The following SAMMSON variants were observed in gnomAD, a reference collection of about 807,000 sequenced individuals.
SAMMSON encodes long intergenic non-protein coding RNA 1212.
intron 6 of SAMMSON, among the ~76,000 whole-genome samples, chr3:70,252,808 G>A (rs1399670550): frequency 1.3e-5 from 2 of 152,088 alleles, no homozygotes; most frequent in South Asian, 2.1e-4. Context: ...GGCCAGGCGC[G>A]GTGGCTCATG....
intron 3 of SAMMSON, among the ~76,000 whole-genome samples, chr3:70,041,888 A>C (rs917388662): frequency 5.3e-5 from 8 of 152,118 alleles, no homozygotes; most frequent in Non-Finnish European, 2.9e-5. Context: ...ACAGGAAAAA[A>C]ATCTTGCAGT....
At chr3:70,150,696 A>G (rs2067567880) in intron 4 of SAMMSON, among the ~76,000 whole-genome samples, 1 of 152,106 alleles carries the variant, frequency 6.6e-6, no homozygotes, top group African/African-American at 2.4e-5. Context: ...TAACTGTAAG[A>G]TTACATGAGT....
At chr3:70,249,356 G>T (rs780885364) in intron 5 of SAMMSON, among the ~76,000 whole-genome samples, 5 of 152,130 alleles carry the variant, frequency 3.3e-5, no homozygotes, top group Non-Finnish European at 7.4e-5. Flanking sequence ...GTGTCTAAGG[G>T]GGGGATCTAT....
intron 4 of SAMMSON, among the ~76,000 whole-genome samples, chr3:70,096,491 C>G (rs1043879762): frequency 2.0e-5 from 3 of 152,174 alleles, no homozygotes; most frequent in African/African-American, 4.8e-5. Context: ...CTGCAGTGAG[C>G]TATGATTGCA....
chr3:70,017,678 G>C (rs1397400552), intron 3 of SAMMSON, among the ~76,000 whole-genome samples: 2 of 152,112 alleles, frequency 1.3e-5, no homozygotes, highest in Admixed American at 1.3e-4. Context: ...CAAAGGGAAT[G>C]CTTCCAGTTT....
chr3:70,287,367 T>G (rs1374438009), intron 6 of SAMMSON, among the ~76,000 whole-genome samples: 1 of 150,490 alleles, frequency 6.6e-6, no homozygotes, highest in Non-Finnish European at 1.5e-5. Flanking sequence ...CATTTATTGA[T>G]TTGCATATAT....
chr3:70,002,979 A>G (rs1324743471), intron 1 of SAMMSON, among the ~76,000 whole-genome samples: 1 of 152,118 alleles, frequency 6.6e-6, no homozygotes, highest in East Asian at 1.9e-4. Flanking sequence ...TTGTGGATTT[A>G]CCTACTACTT....
chr3:70,268,092 G>A (rs548639629), intron 6 of SAMMSON, among the ~76,000 whole-genome samples: 74 of 150,882 alleles, frequency 4.9e-4, no homozygotes, highest in Non-Finnish European at 7.8e-4. Flanking sequence ...TTTTAGAGTA[G>A]TTTTAGGTTC....
chr3:70,280,573 T>C (rs747000728), intron 6 of SAMMSON, among the ~76,000 whole-genome samples: 3 of 152,122 alleles, frequency 2.0e-5, no homozygotes, highest in Non-Finnish European at 4.4e-5. Context: ...GAAAACGATA[T>C]CCTAAAATGA....
intron 4 of SAMMSON, among the ~76,000 whole-genome samples, chr3:70,214,615 T>TA (rs62931560): frequency 1.3e-5 from 2 of 150,132 alleles, no homozygotes; most frequent in Non-Finnish European, 3.0e-5. Flanking sequence ...GGCTTTTTTT[T>TA]TTTTTTATCT....
chr3:70,068,461 C>T (rs1393929156), intron 3 of SAMMSON: 9 of 152,074 alleles, frequency 5.9e-5, no homozygotes, highest in Admixed American at 2.6e-4. Context: ...ACTTAAACAG[C>T]TCCAAGTGAT....
chr3:70,197,024 A>G (rs1701188150), intron 4 of SAMMSON: 2 of 398,484 alleles, frequency 5.0e-6, no homozygotes, highest in African/African-American at 4.1e-5. Context: ...TCACAATTGC[A>G]GCTGCAATCA....
At chr3:70,210,137 C>T (rs1305618272) in intron 4 of SAMMSON, among the ~76,000 whole-genome samples, 2 of 151,992 alleles carry the variant, frequency 1.3e-5, no homozygotes, top group Non-Finnish European at 2.9e-5. Flanking sequence ...GAACATGCGG[C>T]GAATACAGTA....
intron 9 of SAMMSON, among the ~76,000 whole-genome samples, chr3:70,368,649 T>C (rs1365228432): frequency 1.3e-5 from 2 of 151,670 alleles, no homozygotes; most frequent in Non-Finnish European, 3.0e-5. Flanking sequence ...GAATTGCCTT[T>C]GTGTCTTTGT....
chr3:70,239,323 A>G (rs1701642642), intron 4 of SAMMSON, among the ~76,000 whole-genome samples: 1 of 152,176 alleles, frequency 6.6e-6, no homozygotes, highest in Non-Finnish European at 1.5e-5. Flanking sequence ...TCCAAGTCTT[A>G]CCCTAGCTAT....
At chr3:70,329,910 G>T (rs571015469) in intron 7 of SAMMSON, among the ~76,000 whole-genome samples, 1 of 151,994 alleles carries the variant, frequency 6.6e-6, no homozygotes, top group African/African-American at 2.4e-5. Context: ...AAAAACACCT[G>T]TATGTACTTC....
At chr3:70,342,350 T>C (rs1471384300) in intron 7 of SAMMSON, among the ~76,000 whole-genome samples, 1 of 152,228 alleles carries the variant, frequency 6.6e-6, no homozygotes, top group Non-Finnish European at 1.5e-5. Context: ...TATTTGACAC[T>C]GCTTGTTAAT....
At chr3:70,254,063 T>A (rs1231347370) in intron 6 of SAMMSON, among the ~76,000 whole-genome samples, 1 of 152,214 alleles carries the variant, frequency 6.6e-6, no homozygotes, top group Non-Finnish European at 1.5e-5. Flanking sequence ...TAACAGTTAT[T>A]TAGTAGGCAT....
chr3:70,094,499 G>A (rs903117291), intron 4 of SAMMSON, among the ~76,000 whole-genome samples: 1 of 152,102 alleles, frequency 6.6e-6, no homozygotes, highest in East Asian at 1.9e-4. Flanking sequence ...GCTCTTCTGA[G>A]CTCTCTCACC....
Sources: gnomAD v4.1 joint callset for allele counts (sites outside exome capture counted in the v4.1 genomes callset) on GRCh38, gnomAD v4.1.1 for gene constraint, MANE v1.5 for transcripts, NCBI Gene and HGNC (gene_info 2026-07-23, HGNC 2026-07-21) for gene names.